Variants in MSANTD5 observed in about 807,000 individuals in gnomAD.
MSANTD5 encodes the protein Myb/SANT DNA binding domain containing 5, also known as uncharacterized protein MSANTD5.
At chr5:178,704,632 T>C in the MSANTD5 span, among the ~76,000 whole-genome samples, 843 of 152,232 alleles carry the variant, frequency 5.5e-3, 15 homozygotes, top group African/African-American at 0.019. Flanking sequence ...TGGGCAGAAA[T>C]AGTTGTCAAC....
At chr5:178,699,573 G>C (rs114409992), upstream of MSANTD5, among the ~76,000 whole-genome samples, 693 of 151,984 alleles carry the variant, frequency 4.6e-3, 7 homozygotes, top group African/African-American at 0.016. Context: ...CACCACACCT[G>C]GCTTATTTTC....
downstream of MSANTD5, chr5:178,694,594 T>G (rs944195199): frequency 2.0e-5 from 3 of 152,230 alleles, no homozygotes; most frequent in African/African-American, 7.2e-5. Flanking sequence ...ACATTTATTC[T>G]CATTGCACCA....
the MSANTD5 span, among the ~76,000 whole-genome samples, chr5:178,704,176 G>A: frequency 6.6e-6 from 1 of 152,122 alleles, no homozygotes; most frequent in South Asian, 2.1e-4. Flanking sequence ...AATTCAAGGG[G>A]ATCTGGAAGG....
chr5:178,692,589 G>A (rs1765368435), downstream of MSANTD5, among the ~76,000 whole-genome samples: 1 of 151,908 alleles, frequency 6.6e-6, no homozygotes, highest in South Asian at 2.1e-4. Context: ...CCACCCAGTG[G>A]AACACTACAT....
chr5:178,695,619 G>A (rs1349468708), intron 2 of MSANTD5, 21 bp from the exon 3 acceptor site: 2 of 152,188 alleles, frequency 1.3e-5, no homozygotes, highest in African/African-American at 4.8e-5. Context: ...AGAGGAATAT[G>A]GATGTACTTG....
chr5:178,703,418 GC>G, the MSANTD5 span, among the ~76,000 whole-genome samples: 1 of 152,302 alleles, frequency 6.6e-6, no homozygotes, highest in South Asian at 2.1e-4. Context: ...TCTTTCTAGG[GC>G]CCCTCTCTAG....
exon 3 of MSANTD5, chr5:178,695,360 T>C (rs1218538251): frequency 6.6e-6 from 1 of 152,174 alleles, no homozygotes; most frequent in Non-Finnish European, 1.5e-5. Flanking sequence ...ATGGCAAGGG[T>C]TGGCACCTTG....
chr5:178,696,633 T>G (rs1297740518), intron 1 of MSANTD5, among the ~76,000 whole-genome samples: 3 of 151,642 alleles, frequency 2.0e-5, no homozygotes, highest in Admixed American at 1.3e-4. Context: ...GAAACAAGGG[T>G]TGGGGCTCCT....
downstream of MSANTD5, among the ~76,000 whole-genome samples, chr5:178,692,763 G>C (rs1026095642): frequency 1.3e-5 from 2 of 152,048 alleles, no homozygotes; most frequent in Non-Finnish European, 2.9e-5. Flanking sequence ...TTCAGCGGTT[G>C]CCAGGAGTTA....
chr5:178,702,287 CTTTCTTTTTT>C (rs1163383928), upstream of MSANTD5, among the ~76,000 whole-genome samples: 102 of 147,122 alleles, frequency 6.9e-4, 1 homozygote, highest in Admixed American at 1.6e-3. Context: ...GGCAATTTTT[CTTTCTTTTTT>C]TTTCTTTTTT....
chr5:178,705,253 G>T, the MSANTD5 span, among the ~76,000 whole-genome samples: 1 of 152,094 alleles, frequency 6.6e-6, no homozygotes, highest in East Asian at 2.0e-4. Flanking sequence ...TTGCCATGTT[G>T]GCCAGGATGG....
upstream of MSANTD5, among the ~76,000 whole-genome samples, chr5:178,698,798 T>C (rs1765447443): frequency 7.2e-6 from 1 of 139,590 alleles, no homozygotes; most frequent in Admixed American, 7.7e-5. Flanking sequence ...ACTACGTTGC[T>C]CAGGCTGGTT....
chr5:178,703,244 G>A, the MSANTD5 span, among the ~76,000 whole-genome samples: 2 of 152,234 alleles, frequency 1.3e-5, no homozygotes, highest in African/African-American at 4.8e-5. Flanking sequence ...GCACAGGTGT[G>A]CGGAGGGCGC....
chr5:178,700,626 C>G (rs1162552077), upstream of MSANTD5, among the ~76,000 whole-genome samples: 8 of 152,110 alleles, frequency 5.3e-5, no homozygotes, highest in Admixed American at 2.6e-4. Context: ...GTGTGACCAT[C>G]CTGAGAGTCC....
upstream of MSANTD5, among the ~76,000 whole-genome samples, chr5:178,697,937 G>C (rs1198555430): frequency 6.6e-6 from 1 of 152,210 alleles, no homozygotes; most frequent in Non-Finnish European, 1.5e-5. Context: ...GGAAATTGGA[G>C]ATCAACTCGG....
the MSANTD5 span, among the ~76,000 whole-genome samples, chr5:178,703,711 A>T: frequency 2.0e-5 from 3 of 152,252 alleles, no homozygotes; most frequent in East Asian, 5.8e-4. Flanking sequence ...GGCTGGGTGC[A>T]GTGGCTCACA....
chr5:178,699,154 A>G (rs978120226), upstream of MSANTD5, among the ~76,000 whole-genome samples: 7 of 152,016 alleles, frequency 4.6e-5, no homozygotes, highest in African/African-American at 1.7e-4. Flanking sequence ...GTTAATGAAC[A>G]CCGTCTTCTT....
upstream of MSANTD5, among the ~76,000 whole-genome samples, chr5:178,699,459 A>T (rs548903246): frequency 2.4e-4 from 34 of 142,004 alleles, no homozygotes; most frequent in Non-Finnish European, 4.1e-4. Context: ...ATAGAGTCTC[A>T]CTCTCTCACC....
chr5:178,700,487 C>T (rs560136104), upstream of MSANTD5, among the ~76,000 whole-genome samples: 13 of 152,174 alleles, frequency 8.5e-5, no homozygotes, highest in Non-Finnish European at 1.6e-4. Context: ...AGGAGTATCA[C>T]GGGCTTTGCC....
Sources: gnomAD v4.1 joint callset for allele counts (sites outside exome capture counted in the v4.1 genomes callset) on GRCh38, gnomAD v4.1.1 for gene constraint, MANE v1.5 for transcripts, NCBI Gene and HGNC (gene_info 2026-07-23, HGNC 2026-07-21) for gene names.